IL4R: variants seen among roughly 807,000 people sequenced by gnomAD.
The protein encoded by IL4R is interleukin-4 receptor subunit alpha.
IL4R carries 17 observed loss-of-function variants against 41.5 expected under a neutral mutation model. The ratio of observed to expected loss-of-function variants is 0.41; its 90% CI spans 0.28 to 0.61. IL4R has a LOEUF of 0.61. Ranked by LOEUF, IL4R falls within the 20% of genes least tolerant of loss-of-function variation. IL4R has a pLI of 0.31. For synonymous variants in IL4R, 402 were observed against 422.9 expected, an observed-to-expected ratio of 0.95 and a Z score of 0.61; for missense variants, 974 against 1,043.1, an observed-to-expected ratio of 0.93 and a Z score of 0.91.
chr16:27,321,094 C>A (rs779086129), intron 1 of IL4R, among the ~76,000 whole-genome samples: 7 of 152,084 alleles, frequency 4.6e-5, no homozygotes, highest in African/African-American at 7.2e-5. Flanking sequence ...CAGGCACACA[C>A]CACCACGCCT....
chr16:27,323,188 CCCAGGGGGCAAAGT>C (rs1380081181), intron 1 of IL4R, among the ~76,000 whole-genome samples: 1 of 152,194 alleles, frequency 6.6e-6, no homozygotes, highest in Non-Finnish European at 1.5e-5. Flanking sequence ...TTTGGGTTTG[CCCAGGGGGCAAAGT>C]CCTGGTCATT....
intron 6 of IL4R, among the ~76,000 whole-genome samples, chr16:27,347,406 G>T (rs967857380): frequency 5.9e-5 from 9 of 152,162 alleles, no homozygotes; most frequent in African/African-American, 2.2e-4. Flanking sequence ...GGCCAGGCTG[G>T]TCTCAAACTC....
At chr16:27,332,466 G>A (rs1273678455) in intron 2 of IL4R, among the ~76,000 whole-genome samples, 26 of 152,028 alleles carry the variant, frequency 1.7e-4, no homozygotes, top group South Asian at 2.1e-4. Flanking sequence ...CCCCCAACAC[G>A]TGGGGATTAC....
At chr16:27,319,485 C>T (rs1032979061) in intron 1 of IL4R, among the ~76,000 whole-genome samples, 1 of 152,160 alleles carries the variant, frequency 6.6e-6, no homozygotes, top group Non-Finnish European at 1.5e-5. Flanking sequence ...TGAAGACACA[C>T]CTGCCATTTA....
At chr16:27,356,051 C>A in intron 8 of IL4R, 144 bp downstream of exon 8, 1 of 560,422 alleles carries the variant, frequency 1.8e-6, no homozygotes, top group Non-Finnish European at 3.1e-6. Context: ...GAGAGTAGAG[C>A]TGAGAACATA....
chr16:27,329,335 A>G (rs148887104), intron 1 of IL4R, among the ~76,000 whole-genome samples: 1 of 152,244 alleles, frequency 6.6e-6, no homozygotes, highest in African/African-American at 2.4e-5. Flanking sequence ...CTTTATAGCA[A>G]TGCAAAAATG....
At chr16:27,323,950 C>T (rs541302129) in intron 1 of IL4R, among the ~76,000 whole-genome samples, 62 of 152,274 alleles carry the variant, frequency 4.1e-4, no homozygotes, top group African/African-American at 1.3e-3. Context: ...GGAGCCACCG[C>T]GCCCAGCCTT....
At chr16:27,314,666 G>A (rs1445811886) in intron 1 of IL4R, among the ~76,000 whole-genome samples, 1 of 152,078 alleles carries the variant, frequency 6.6e-6, no homozygotes, top group East Asian at 1.9e-4. Context: ...TTGGGAGTCC[G>A]TGGGGCAGCA....
At position 27,345,624 on chromosome 16, in the gene IL4R, T is replaced by G. The variant is rs1489937183; in HGVS notation, c.361+604T>G. 1 of 180,180 alleles carries G rather than the reference T, an allele frequency of 5.6e-6. No homozygotes were observed. Among genetic ancestry groups the G allele is most frequent in the Non-Finnish European group, 1.2e-5 (1 of 83,886 alleles). 11.2% of individuals were successfully genotyped at this position (180,180 alleles called of 1,614,324 possible). A position where few individuals can be genotyped will look rare whatever the true frequency, so the allele number is the denominator to read the frequency against. On this transcript the variant is annotated intron_variant, in intron 5 of 10. Coordinates refer to ENST00000395762, the MANE Select transcript of IL4R (RefSeq NM_000418.4). The surrounding 1 kb of genome is among the most constrained non-coding windows in gnomAD (Gnocchi z 4.5). ...AAAATAAAGAAAAATACTCAGTAAATCATCATAAAGTACAGAGATGTGGCC... is the reference window on the plus strand; with the variant it reads ...AAAATAAAGAAAAATACTCAGTAAAGCATCATAAAGTACAGAGATGTGGCC...
At chr16:27,342,000 G>T in intron 3 of IL4R, 121 bp from the exon 4 acceptor site, 5 of 1,060,612 alleles carry the variant, frequency 4.7e-6, no homozygotes, top group Non-Finnish European at 5.5e-6. Context: ...CTCTGTGGGC[G>T]CTGGCCCTCA....
intron 6 of IL4R, among the ~76,000 whole-genome samples, chr16:27,350,120 T>C (rs1422024227): frequency 1.3e-5 from 2 of 152,182 alleles, no homozygotes; most frequent in Non-Finnish European, 2.9e-5. Flanking sequence ...TGGACATTTC[T>C]CTCAGAGATG....
rs1305435378 is a variant in IL4R at position 27,345,344 on chromosome 16, C to G, written c.361+324C>G. Reference sequence around the variant, plus strand: ...TGCTGATTGAAAACCGAACTGGGAACATTCCTTCCATTCTGTGTCCACTGG... The same window carrying G: ...TGCTGATTGAAAACCGAACTGGGAAGATTCCTTCCATTCTGTGTCCACTGG... On this transcript the variant is annotated intron_variant, in intron 5 of 10. Transcript: ENST00000395762. The surrounding 1 kb of genome is among the most constrained non-coding windows in gnomAD (Gnocchi z 4.5). 2.2e-6 allele frequency: 1 copy of G among 450,888 alleles called. No homozygotes were observed. Among genetic ancestry groups the G allele is most frequent in the African/African-American group, 2.0e-5 (1 of 50,490 alleles). 27.9% of individuals were successfully genotyped at this position (450,888 alleles called of 1,614,324 possible). A position where few individuals can be genotyped will look rare whatever the true frequency, so the allele number is the denominator to read the frequency against.
intron 1 of IL4R, among the ~76,000 whole-genome samples, chr16:27,328,098 T>G (rs1466874798): frequency 6.7e-6 from 1 of 149,076 alleles, no homozygotes; most frequent in Non-Finnish European, 1.5e-5. Context: ...TAGTCCCAGC[T>G]ACTCAGGAGG....
chr16:27,356,084 CTTTT>C (rs36125482), intron 8 of IL4R, among the ~76,000 whole-genome samples, 177 bp downstream of exon 8: 3 of 113,718 alleles, frequency 2.6e-5, no homozygotes, highest in Non-Finnish European at 5.4e-5. Flanking sequence ...CCACTTTTTT[CTTTT>C]TTTTTTTTTT....
At chr16:27,351,510 CTTTTT>C (rs71387789) in intron 6 of IL4R, among the ~76,000 whole-genome samples, 13 of 118,556 alleles carry the variant, frequency 1.1e-4, no homozygotes, top group African/African-American at 3.7e-4. Flanking sequence ...CTCTCTCTCT[CTTTTT>C]TTTTTTTTTT....
At position 27,344,886 on chromosome 16, in the gene IL4R, C is replaced by G; in HGVS notation, c.227C>G (p.Pro76Arg). 1 of 1,614,214 alleles carries G rather than the reference C, an allele frequency of 6.2e-7. No homozygotes were observed. The highest frequency in any genetic ancestry group is 8.5e-7 in the Non-Finnish European group (1 of 1,180,038). Residue 76 changes from proline (P) to arginine (R), a missense_variant, in exon 5 of 11, where the codon CCT (proline) becomes CGT (arginine). By Grantham distance (103) the Pro-to-Arg change is moderately radical (BLOSUM62 -2). Transcript: ENST00000395762. ...FLLSEAHTCI[P>R]ENNGGAGCVC... Reference sequence around the variant, plus strand: ...GTCTGCAGAGCCCACACGTGTATCCCTGAGAACAACGGAGGCGCGGGGTGC... The same window carrying G: ...GTCTGCAGAGCCCACACGTGTATCCGTGAGAACAACGGAGGCGCGGGGTGC...
chr16:27,347,749 C>T (rs1000316987), intron 6 of IL4R, among the ~76,000 whole-genome samples: 8 of 152,218 alleles, frequency 5.3e-5, no homozygotes, highest in African/African-American at 1.9e-4. Flanking sequence ...AATCCAATGC[C>T]TGCTGTGCCA....
intron 1 of IL4R, among the ~76,000 whole-genome samples, chr16:27,320,605 C>G (rs957832612): frequency 6.6e-6 from 1 of 152,228 alleles, no homozygotes; most frequent in Non-Finnish European, 1.5e-5. Flanking sequence ...AACCACGGTT[C>G]TGAGCTATCC....
chr16:27,318,533 C>T (rs2084713722), intron 1 of IL4R: 1 of 152,268 alleles, frequency 6.6e-6, no homozygotes, highest in South Asian at 2.1e-4. Context: ...CCTCATTCTG[C>T]ATGCACAGTT....
Sources: gnomAD v4.1 joint callset for allele counts (sites outside exome capture counted in the v4.1 genomes callset) on GRCh38, gnomAD v4.1.1 for gene constraint, Gnocchi (gnomAD v3.1) non-coding constraint, MANE v1.5 for transcripts, NCBI Gene and HGNC (gene_info 2026-07-23, HGNC 2026-07-21) for gene names.